NBAS: variants seen among roughly 807,000 people sequenced by gnomAD.
NBAS encodes NAG/BC035112 fusion.
In NBAS, 219 loss-of-function variants were observed where a neutral mutation model predicts 302.5. That is an observed-to-expected ratio of 0.72 (90% confidence interval 0.65 to 0.81). NBAS has a LOEUF of 0.81. Among genes scored for constraint, NBAS ranks in the 30% least tolerant of loss-of-function variants. The pLI, the probability that NBAS is intolerant of heterozygous loss-of-function variation, is 0.00. For synonymous variants in NBAS, 1,118 were observed against 1,021.6 expected (o/e 1.09, Z -1.80); for missense variants, 2,932 against 2,841.6 (o/e 1.03, Z -0.72).
At position 15,167,071 on chromosome 2, in the gene NBAS, G is replaced by C; in HGVS notation, c.7093C>G (p.Arg2365Gly). The C allele has an allele frequency of 2.5e-6, 4 of 1,600,342 alleles. No individual in the cohort carries two copies. The highest frequency in any genetic ancestry group is 3.4e-6 in the Non-Finnish European group (4 of 1,171,580). Reference sequence around the variant, plus strand: ...CCTCACACCCAGTGCTGTGCTGCGCGGAGGGCTGTACTGAAGGTTCTGAAG... The same window carrying C: ...CCTCACACCCAGTGCTGTGCTGCGCCGAGGGCTGTACTGAAGGTTCTGAAG... The part of the protein sequence containing the change: ...QAFRTFSTAL[R>G]AAQHWV The change falls in exon 52 of 52, where the codon CGC becomes GGC. Residue 2365 changes from arginine to glycine, a missense_variant. By Grantham distance (125) the Arg-to-Gly change is moderately radical. Transcript: ENST00000281513.
At chr2:15,330,276 C>G (rs1672264785) in intron 36 of NBAS, among the ~76,000 whole-genome samples, 1 of 152,194 alleles carries the variant, frequency 6.6e-6, no homozygotes, top group African/African-American at 2.4e-5. Context: ...TCCGAGCACT[C>G]TTCCTCAACT....
the NBAS span, among the ~76,000 whole-genome samples, chr2:14,933,836 T>C: frequency 1.3e-5 from 2 of 152,308 alleles, no homozygotes; most frequent in Non-Finnish European, 2.9e-5. Flanking sequence ...CAGCCTTTCA[T>C]CTAGAATTTT....
the NBAS span, among the ~76,000 whole-genome samples, chr2:14,816,427 G>A: frequency 1.3e-5 from 2 of 152,184 alleles, no homozygotes; most frequent in Non-Finnish European, 2.9e-5. Context: ...CATCCCTCCT[G>A]CTGTCTGTGG....
At chr2:15,320,579 T>C (rs1487014988) in intron 38 of NBAS, among the ~76,000 whole-genome samples, 1 of 151,936 alleles carries the variant, frequency 6.6e-6, no homozygotes, top group Non-Finnish European at 1.5e-5. Context: ...GGTGCAAAAA[T>C]CACAAGCATT....
chr2:15,155,962 T>C, the NBAS span, among the ~76,000 whole-genome samples: 1 of 152,220 alleles, frequency 6.6e-6, no homozygotes, highest in Non-Finnish European at 1.5e-5. Context: ...GGTAAGTATT[T>C]CGAACAAGGA....
At position 15,327,813 on chromosome 2, in the gene NBAS, A is replaced by G; in HGVS notation, c.4519T>C (p.Leu1507=). Residue 1507 remains leucine (L), a synonymous_variant, in exon 38 of 52, where the codon TTG becomes CTG. Coordinates refer to ENST00000281513, the MANE Select transcript of NBAS (RefSeq NM_015909.4). The stretch of plus-strand genomic sequence containing the variant: ...TCTGCCAATTTTCCAGTTCTCAGCA[A>G]TACTTCTGCAAAGCTTTCCACTGGA... ...HVPVESFAEV[L]LRTGKLAEAK... 6.8e-6 allele frequency: 11 copies of G among 1,613,626 alleles called. No homozygotes were observed. The highest frequency in any genetic ancestry group is 9.3e-6 in the Non-Finnish European group (11 of 1,179,758).
chr2:15,287,615 C>A (rs533603910), intron 41 of NBAS, among the ~76,000 whole-genome samples: 20 of 151,784 alleles, frequency 1.3e-4, no homozygotes, highest in Admixed American at 1.3e-3. Flanking sequence ...CAGTAGGCAT[C>A]CCGAGCACCC....
intron 47 of NBAS, among the ~76,000 whole-genome samples, chr2:15,225,861 T>C (rs1295279912): frequency 1.3e-5 from 2 of 152,124 alleles, no homozygotes; most frequent in Non-Finnish European, 2.9e-5. Context: ...TAAAGCTAGA[T>C]GAAGGCAAGA....
At chr2:15,424,232 A>C in intron 23 of NBAS, 83 bp downstream of exon 23, 1 of 1,496,632 alleles carries the variant, frequency 6.7e-7, no homozygotes, top group South Asian at 1.1e-5. Flanking sequence ...CACTGCTGTC[A>C]GCCCCGACTC....
At chr2:14,781,881 C>T in the NBAS span, among the ~76,000 whole-genome samples, 3 of 152,090 alleles carry the variant, frequency 2.0e-5, no homozygotes, top group African/African-American at 7.2e-5. Flanking sequence ...CTAAACAACA[C>T]CCATTCTCTA....
At chr2:15,347,337 AC>A (rs1382489493) in intron 35 of NBAS, among the ~76,000 whole-genome samples, 1 of 152,214 alleles carries the variant, frequency 6.6e-6, no homozygotes, top group African/African-American at 2.4e-5. Flanking sequence ...CCATACAAAG[AC>A]TTTTACATCA....
At chr2:15,505,789 A>T (rs893798492) in intron 10 of NBAS, among the ~76,000 whole-genome samples, 3 of 152,226 alleles carry the variant, frequency 2.0e-5, no homozygotes, top group African/African-American at 7.2e-5. Flanking sequence ...AAACTTTAAC[A>T]TAGCACTCCA....
rs115788079 is a variant in NBAS at position 15,315,524 on chromosome 2, G to A, written c.4583-6277C>T. On this transcript the variant is annotated intron_variant, in intron 38 of 51. Transcript: ENST00000281513. ...TGTCAGTTACTTATTCCCCAAAGGG[G>A]GTTTCCTAGAAGACACTTCTGGACA... Among the ~76,000 whole-genome samples, 399 of 152,294 alleles carry A rather than the reference G, an allele frequency of 2.6e-3. 1 individual carries two copies. Among genetic ancestry groups the A allele is most frequent in the African/African-American group, 9.4e-3 (389 of 41,570 alleles).
At chr2:15,177,769 A>C (rs1664619760) in intron 51 of NBAS, among the ~76,000 whole-genome samples, 1 of 152,196 alleles carries the variant, frequency 6.6e-6, no homozygotes, top group Non-Finnish European at 1.5e-5. Flanking sequence ...TTCAACTTTC[A>C]TTTCAGCATA....
At chr2:15,116,259 T>C in the NBAS span, among the ~76,000 whole-genome samples, 1 of 152,174 alleles carries the variant, frequency 6.6e-6, no homozygotes, top group Non-Finnish European at 1.5e-5. Flanking sequence ...TAGCTTCGAC[T>C]ACCATAAAAA....
chr2:14,918,013 C>A, the NBAS span, among the ~76,000 whole-genome samples: 3 of 152,110 alleles, frequency 2.0e-5, no homozygotes, highest in Non-Finnish European at 4.4e-5. Flanking sequence ...GTTTTTAACT[C>A]GCAGCATCCA....
chr2:15,532,590 G>A (rs1397350940), intron 9 of NBAS, among the ~76,000 whole-genome samples: 1 of 151,544 alleles, frequency 6.6e-6, no homozygotes, highest in Non-Finnish European at 1.5e-5. Context: ...TCGTGGTAGA[G>A]TAAGAAAACT....
intron 38 of NBAS, among the ~76,000 whole-genome samples, chr2:15,312,526 C>T (rs1431955922): frequency 3.9e-5 from 6 of 152,164 alleles, no homozygotes; most frequent in Non-Finnish European, 8.8e-5. Flanking sequence ...ATCCTCCTGC[C>T]TCGAATTCCC....
At chr2:14,849,384 A>G in the NBAS span, among the ~76,000 whole-genome samples, 2 of 150,696 alleles carry the variant, frequency 1.3e-5, no homozygotes, top group East Asian at 3.9e-4. Flanking sequence ...TAGAGAAAAA[A>G]GAATAAAAAG....
Sources: allele counts gnomAD v4.1 joint callset (sites outside exome capture counted in the v4.1 genomes callset), GRCh38; gene constraint gnomAD v4.1.1; transcripts MANE v1.5; gene names NCBI Gene and HGNC (gene_info 2026-07-23, HGNC 2026-07-21).